SORBS2: variants seen among roughly 807,000 people sequenced by gnomAD.
SORBS2 encodes sorbin and SH3 domain containing 2.
In SORBS2, 46 loss-of-function variants were observed where a neutral mutation model predicts 97.7. The ratio of observed to expected loss-of-function variants is 0.47; its 90% CI spans 0.37 to 0.60. The LOEUF is 0.60. SORBS2 is among the 20% of genes least tolerant of loss of function. The pLI is 0.00. For missense variants in SORBS2, 1,316 were observed against 1,282.3 expected, an observed-to-expected ratio of 1.03 and a Z score of -0.40; for synonymous variants, 476 against 473.4, an observed-to-expected ratio of 1.01 and a Z score of -0.07.
At chr4:185,819,725 C>T (rs936567012) in intron 1 of SORBS2, among the ~76,000 whole-genome samples, 4 of 152,158 alleles carry the variant, frequency 2.6e-5, no homozygotes, top group South Asian at 2.1e-4. Context: ...CGGAAGCACC[C>T]TTCCTTCATT....
At chr4:185,833,340 T>C (rs1373909686) in intron 1 of SORBS2, among the ~76,000 whole-genome samples, 1 of 152,224 alleles carries the variant, frequency 6.6e-6, no homozygotes, top group Non-Finnish European at 1.5e-5. Flanking sequence ...CAGCAAAGCT[T>C]AAGCATTCCA....
intron 1 of SORBS2, among the ~76,000 whole-genome samples, chr4:185,944,935 A>G (rs1301690671): frequency 6.6e-6 from 1 of 152,220 alleles, no homozygotes; most frequent in African/African-American, 2.4e-5. Flanking sequence ...GAATTTCTCC[A>G]ATGCAGCAGC....
At chr4:185,750,969 A>G (rs2098795073) in intron 2 of SORBS2, among the ~76,000 whole-genome samples, 1 of 151,912 alleles carries the variant, frequency 6.6e-6, no homozygotes, top group South Asian at 2.1e-4. Context: ...CATGATATAT[A>G]AGGCACTTTA....
intron 4 of SORBS2, among the ~76,000 whole-genome samples, chr4:185,662,667 T>C (rs2097538938): frequency 6.6e-6 from 1 of 152,246 alleles, no homozygotes; most frequent in Non-Finnish European, 1.5e-5. Flanking sequence ...AGGCAAGGGA[T>C]TGGTTCTCAG....
At chr4:185,722,185 T>A (rs1419366623) in intron 2 of SORBS2, among the ~76,000 whole-genome samples, 2 of 152,190 alleles carry the variant, frequency 1.3e-5, no homozygotes, top group Non-Finnish European at 2.9e-5. Flanking sequence ...ACGGCTATGA[T>A]CACGTATAAG....
At chr4:185,682,611 A>G (rs536384444) in intron 2 of SORBS2, among the ~76,000 whole-genome samples, 1 of 152,350 alleles carries the variant, frequency 6.6e-6, no homozygotes, top group African/African-American at 2.4e-5. Context: ...TTCCCTTTTG[A>G]TTCACATATA....
intron 4 of SORBS2, chr4:185,675,150 C>G (rs767746741): frequency 6.6e-6 from 1 of 152,192 alleles, no homozygotes; most frequent in African/African-American, 2.4e-5. Flanking sequence ...ACCGTCTCTG[C>G]GCAGCCTGGA....
chr4:185,877,872 AAC>A (rs1284071189), intron 1 of SORBS2, among the ~76,000 whole-genome samples: 4,339 of 121,320 alleles, frequency 0.036, 249 homozygotes, highest in African/African-American at 0.074. Flanking sequence ...TCTGTCAAAA[AAC>A]AAAAAAAAAA....
chr4:185,799,946 C>T (rs2099122560), intron 1 of SORBS2, among the ~76,000 whole-genome samples: 1 of 152,164 alleles, frequency 6.6e-6, no homozygotes, highest in Non-Finnish European at 1.5e-5. Flanking sequence ...TCCTATAATC[C>T]CATCACTTTG....
chr4:185,860,031 T>C (rs1317255551), intron 1 of SORBS2, among the ~76,000 whole-genome samples: 1 of 152,232 alleles, frequency 6.6e-6, no homozygotes, highest in African/African-American at 2.4e-5. Context: ...CATTGGAGGT[T>C]GCTTAAAGGT....
chr4:185,810,531 A>G (rs987674273), intron 1 of SORBS2, among the ~76,000 whole-genome samples: 1 of 152,220 alleles, frequency 6.6e-6, no homozygotes, highest in Admixed American at 6.5e-5. Context: ...TTGACCAAAC[A>G]TTTTTATTAA....
At chr4:185,670,608 G>GTTT (rs74732953) in intron 4 of SORBS2, among the ~76,000 whole-genome samples, 4 of 143,614 alleles carry the variant, frequency 2.8e-5, no homozygotes, top group Non-Finnish European at 4.6e-5. Flanking sequence ...CTAGGAAGGG[G>GTTT]TTTTTTTTTT....
chr4:185,767,554 A>T (rs1343289666), intron 2 of SORBS2, among the ~76,000 whole-genome samples: 1 of 151,770 alleles, frequency 6.6e-6, no homozygotes, highest in Non-Finnish European at 1.5e-5. Flanking sequence ...CATTTGGTGA[A>T]ATAATAAAAA....
intron 1 of SORBS2, among the ~76,000 whole-genome samples, chr4:185,802,148 C>T (rs572003557): frequency 1.8e-4 from 28 of 152,274 alleles, no homozygotes; most frequent in Admixed American, 1.2e-3. Context: ...TTGCTTAAGA[C>T]GATCAAAGAG....
intron 1 of SORBS2, among the ~76,000 whole-genome samples, chr4:185,782,433 A>G (rs540361350): frequency 7.7e-4 from 117 of 152,222 alleles, no homozygotes; most frequent in Non-Finnish European, 9.4e-4. Context: ...TTTCACAACC[A>G]TGTGATACTC....
intron 1 of SORBS2, among the ~76,000 whole-genome samples, chr4:185,881,845 T>C (rs567208855): frequency 2.6e-5 from 4 of 152,294 alleles, no homozygotes; most frequent in African/African-American, 9.6e-5. Context: ...AAAGAAGAAG[T>C]ATAAAATTGT....
rs533852778 is a variant in SORBS2, at chr4:185,887,383, G to A, written c.-338+68813C>T. Among the ~76,000 whole-genome samples, 6 of 152,268 alleles carry A rather than the reference G, an allele frequency of 3.9e-5. No homozygotes were observed. The South Asian group carries it at 1.2e-3, about 32-fold the overall frequency. On this transcript the variant is annotated intron_variant, in intron 1 of 20. Coordinates refer to the SORBS2 transcript ENST00000284776. ...AGTTCCGAAACTGTTATAAAGATTT[G>A]GTTGTTTGAAGGGTTGAAAAACTAC...
chr4:185,863,091 G>A (rs1478283098), intron 1 of SORBS2, among the ~76,000 whole-genome samples: 1 of 152,170 alleles, frequency 6.6e-6, no homozygotes, highest in Non-Finnish European at 1.5e-5. Context: ...AAATTATTAT[G>A]TTAAGGTATA....
chr4:185,830,454 T>C (rs1213407838), intron 1 of SORBS2, among the ~76,000 whole-genome samples: 2 of 152,202 alleles, frequency 1.3e-5, no homozygotes, highest in Non-Finnish European at 2.9e-5. Context: ...AAAATGGTTA[T>C]GGAAGGAAGC....
Sources: allele counts gnomAD v4.1 joint callset (sites outside exome capture counted in the v4.1 genomes callset), GRCh38; gene constraint gnomAD v4.1.1; transcripts MANE v1.5; gene names NCBI Gene and HGNC (gene_info 2026-07-23, HGNC 2026-07-21).